PCSK2: variants seen among roughly 807,000 people sequenced by gnomAD.
PCSK2 encodes the protein neuroendocrine convertase 2.
Under a neutral mutation model 69.7 loss-of-function variants are expected in PCSK2, and 14 were observed. The observed-to-expected ratio is 0.20, with a 90% CI of 0.13 to 0.31. PCSK2 has a LOEUF of 0.31. Ranked by LOEUF, PCSK2 falls within the 10% of genes least tolerant of loss-of-function variation. The pLI, the probability that PCSK2 is intolerant of heterozygous loss-of-function variation, is 1.00. For missense variants in PCSK2, 544 were observed against 842.5 expected, an observed-to-expected ratio of 0.65 and a Z score of 4.39; for synonymous variants, 307 against 320.7, an observed-to-expected ratio of 0.96 and a Z score of 0.46.
chr20:17,262,795 G>A lies in PCSK2; in HGVS notation c.282+2451G>A, dbSNP rs531132332. Among the ~76,000 whole-genome samples, 3 of 152,356 alleles carry A rather than the reference G, an allele frequency of 2.0e-5. No individual in the cohort carries two copies. In the East Asian group the frequency reaches 5.8e-4, roughly 29 times the overall value. The stretch of plus-strand genomic sequence containing the variant: ...GAAAAAGGGAGAGACCAAGTAGCCA[G>A]AAGGAGGTCCAGGCTTTTATGTCTT... On this transcript the variant is annotated intron_variant, in intron 2 of 11. Transcript: ENST00000262545.
intron 4 of PCSK2, among the ~76,000 whole-genome samples, chr20:17,361,030 T>C (rs961008092): frequency 5.3e-5 from 8 of 152,246 alleles, no homozygotes; most frequent in African/African-American, 7.2e-5. Flanking sequence ...TATTTAACTT[T>C]ACATTTTAAT....
chr20:17,243,771 A>G (rs1023396396), intron 1 of PCSK2, among the ~76,000 whole-genome samples: 14 of 152,186 alleles, frequency 9.2e-5, no homozygotes, highest in Non-Finnish European at 2.1e-4. Context: ...CATCACTTCA[A>G]TCTAATGATG....
At chr20:17,399,939 G>A (rs2031597671) in intron 5 of PCSK2, among the ~76,000 whole-genome samples, 1 of 152,124 alleles carries the variant, frequency 6.6e-6, no homozygotes, top group Non-Finnish European at 1.5e-5. Context: ...GAAACAGGTT[G>A]AACCCTGCCA....
At chr20:17,250,153 A>G (rs1194810348) in intron 1 of PCSK2, among the ~76,000 whole-genome samples, 2 of 152,316 alleles carry the variant, frequency 1.3e-5, no homozygotes, top group East Asian at 3.9e-4. Flanking sequence ...TATTAGCTAC[A>G]GGCCTTATTC....
chr20:17,230,907 C>G (rs1986122664), intron 1 of PCSK2, among the ~76,000 whole-genome samples: 1 of 152,186 alleles, frequency 6.6e-6, no homozygotes, highest in Non-Finnish European at 1.5e-5. Flanking sequence ...TTATCATGAC[C>G]TGGCCCTGGC....
chr20:17,304,860 G>C (rs910974763), intron 2 of PCSK2, among the ~76,000 whole-genome samples: 9 of 152,124 alleles, frequency 5.9e-5, no homozygotes, highest in African/African-American at 2.2e-4. Context: ...CAGAAGCTGC[G>C]ACAAGAATAT....
At chr20:17,472,427 G>A (rs1021151007) in intron 11 of PCSK2, among the ~76,000 whole-genome samples, 1 of 152,228 alleles carries the variant, frequency 6.6e-6, no homozygotes, top group African/African-American at 2.4e-5. Context: ...CTGCTACAGG[G>A]GGAGGAGAAA....
intron 2 of PCSK2, among the ~76,000 whole-genome samples, chr20:17,354,653 T>C (rs907298415): frequency 6.6e-6 from 1 of 152,210 alleles, no homozygotes; most frequent in Non-Finnish European, 1.5e-5. Context: ...AATTGTGGTA[T>C]ATGACTCTGG....
intron 1 of PCSK2, among the ~76,000 whole-genome samples, chr20:17,253,006 T>C (rs1446206298): frequency 1.3e-5 from 2 of 152,220 alleles, no homozygotes; most frequent in Non-Finnish European, 2.9e-5. Flanking sequence ...ATTTTTATTC[T>C]TATTTACTTT....
At chr20:17,469,344 G>A (rs938707265) in intron 11 of PCSK2, among the ~76,000 whole-genome samples, 18 of 152,112 alleles carry the variant, frequency 1.2e-4, no homozygotes, top group African/African-American at 3.4e-4. Context: ...CCTTATACTC[G>A]CACAGTCGAG....
upstream of PCSK2, among the ~76,000 whole-genome samples, chr20:17,226,599 G>A (rs1036693808): frequency 2.1e-4 from 32 of 151,896 alleles, no homozygotes; most frequent in Admixed American, 2.0e-3. Flanking sequence ...CACAGAGGCC[G>A]GCGCCCCTGC....
intron 2 of PCSK2, among the ~76,000 whole-genome samples, chr20:17,335,194 G>C (rs73599742): frequency 1.6e-4 from 4 of 24,764 alleles, no homozygotes; most frequent in Non-Finnish European, 4.5e-4. Flanking sequence ...AGCGGAGATT[G>C]GGGGGGTTGT....
At chr20:17,415,130 C>G (rs150103203) in intron 6 of PCSK2, among the ~76,000 whole-genome samples, 318 of 152,282 alleles carry the variant, frequency 2.1e-3, no homozygotes, top group African/African-American at 7.3e-3. Context: ...CAGCACAAGA[C>G]GAGGATGCCC....
intron 2 of PCSK2, among the ~76,000 whole-genome samples, chr20:17,302,665 G>T (rs1207742987): frequency 6.6e-6 from 1 of 152,292 alleles, no homozygotes. Flanking sequence ...AGACAGCCCT[G>T]TTTCAACTCC....
intron 7 of PCSK2, among the ~76,000 whole-genome samples, chr20:17,430,864 A>C (rs534179405): frequency 6.6e-6 from 1 of 152,354 alleles, no homozygotes; most frequent in Admixed American, 6.5e-5. Context: ...TTTGGAACAA[A>C]GTAAAATGAC....
intron 7 of PCSK2, among the ~76,000 whole-genome samples, chr20:17,434,262 T>G (rs780741467): frequency 6.6e-6 from 1 of 151,854 alleles, no homozygotes; most frequent in East Asian, 1.9e-4. Flanking sequence ...TCTCTCTCAC[T>G]CGGTCTACTC....
At chr20:17,449,462 T>C (rs1175004340) in intron 8 of PCSK2, among the ~76,000 whole-genome samples, 1 of 140,534 alleles carries the variant, frequency 7.1e-6, no homozygotes, top group Non-Finnish European at 1.6e-5. Context: ...TTTCAATTGA[T>C]ATATTGTATA....
At chr20:17,474,720 C>A (rs2033263008) in intron 11 of PCSK2, among the ~76,000 whole-genome samples, 1 of 152,132 alleles carries the variant, frequency 6.6e-6, no homozygotes, top group South Asian at 2.1e-4. Flanking sequence ...AGTGAGGCTC[C>A]TTCTTGGGAC....
chr20:17,444,720 G>T (rs8115246), intron 8 of PCSK2, among the ~76,000 whole-genome samples: 10,378 of 152,204 alleles, frequency 0.068, 552 homozygotes, highest in African/African-American at 0.15. Context: ...GCCAGTTAAG[G>T]GTATGTTATC....
Sources: allele counts gnomAD v4.1 joint callset (sites outside exome capture counted in the v4.1 genomes callset), GRCh38; gene constraint gnomAD v4.1.1; transcripts MANE v1.5; gene names NCBI Gene and HGNC (gene_info 2026-07-23, HGNC 2026-07-21).